Variants in FRZB observed in about 807,000 individuals in gnomAD.
FRZB encodes the protein secreted frizzled-related protein 3.
FRZB carries 34 observed loss-of-function variants against 32.5 expected under a neutral mutation model. The observed-to-expected ratio is 1.05, with a 90% CI of 0.80 to 1.39. The LOEUF is 1.39. Ranked by LOEUF, FRZB falls within the 40% of genes most tolerant of loss-of-function variation. The probability of loss-of-function intolerance (pLI) is 0.00; values close to 1 mark genes in which losing one functional copy is unlikely to be tolerated. For synonymous variants in FRZB, 170 were observed against 159.2 expected (o/e 1.07, Z -0.51); for missense variants, 423 against 424.8 (o/e 1.00, Z 0.04).
chr2:182,864,462 G>A (rs955392239), intron 1 of FRZB, among the ~76,000 whole-genome samples: 4 of 152,184 alleles, frequency 2.6e-5, no homozygotes, highest in Non-Finnish European at 5.9e-5. Context: ...TAGTGAGTAC[G>A]AAGCCTCAAG....
intron 1 of FRZB, among the ~76,000 whole-genome samples, chr2:182,862,773 CT>C (rs10558108): frequency 1.1e-3 from 161 of 148,900 alleles, no homozygotes; most frequent in Middle Eastern, 3.5e-3. Context: ...CTTTTCTTTT[CT>C]TTTTTTTTTT....
At chr2:182,841,150 TAGAA>T (rs1695581540) in intron 3 of FRZB, among the ~76,000 whole-genome samples, 1 of 152,046 alleles carries the variant, frequency 6.6e-6, no homozygotes, top group African/African-American at 2.4e-5. Flanking sequence ...CTTACAAACT[TAGAA>T]AGAGCATCCA....
chr2:182,842,196 C>G lies in FRZB; in HGVS notation c.592+282G>C, dbSNP rs540870089. Among the ~76,000 whole-genome samples, 103 of 152,256 alleles carry G rather than the reference C, an allele frequency of 6.8e-4. 1 individual carries two copies. The highest frequency in any genetic ancestry group is 2.5e-4 in the Non-Finnish European group (17 of 68,016). On this transcript the variant is annotated intron_variant, in intron 3 of 5. Coordinates refer to ENST00000295113, the MANE Select transcript of FRZB (RefSeq NM_001463.4). Reference sequence around the variant, plus strand: ...CTTCAGCCTCCAGGCAGGGAAGAGTCCCATGTATCTTGATACTTATCTCTG... The same window carrying G: ...CTTCAGCCTCCAGGCAGGGAAGAGTGCCATGTATCTTGATACTTATCTCTG...
At chr2:182,854,273 A>G (rs1695742214) in intron 2 of FRZB, among the ~76,000 whole-genome samples, 1 of 152,122 alleles carries the variant, frequency 6.6e-6, no homozygotes, top group Admixed American at 6.5e-5. Flanking sequence ...TTATACTTTA[A>G]TGGTTTATTT....
At chr2:182,837,395 A>G (rs927153566) in intron 5 of FRZB, among the ~76,000 whole-genome samples, 3 of 151,998 alleles carry the variant, frequency 2.0e-5, no homozygotes, top group Non-Finnish European at 4.4e-5. Flanking sequence ...CCTTCCCATC[A>G]TTTATTCTCC....
At position 182,833,480 on chromosome 2, in the gene FRZB, C is replaced by T. The variant is rs1033340326; in HGVS notation, c.*1369G>A. The T allele has an allele frequency of 2.0e-5, 3 of 152,092 alleles. No individual in the cohort carries two copies. Among genetic ancestry groups the T allele is most frequent in the East Asian group, 1.9e-4 (1 of 5,182 alleles). The allele number at this position is 152,092 out of a possible 1,614,324, so 9.4% of individuals were successfully genotyped here. A position where few individuals can be genotyped will look rare whatever the true frequency, so the allele number is the denominator to read the frequency against. On this transcript the variant is annotated 3_prime_UTR_variant, in exon 6 of 6. Transcript: ENST00000295113. ...TAAACCCATTCGAAACTGAAAATAT[C>T]GTAAGTTGAAATGCATTGGGTTACA... is the stretch of plus-strand genomic sequence containing the variant.
chr2:182,836,572 G>A (rs1240327591), intron 5 of FRZB, among the ~76,000 whole-genome samples: 1 of 152,038 alleles, frequency 6.6e-6, no homozygotes, highest in African/African-American at 2.4e-5. Context: ...CATGTGTCCT[G>A]TCAACAACAC....
intron 3 of FRZB, 125 bp from the exon 4 acceptor site, chr2:182,838,738 G>GA (rs1695555531): frequency 1.3e-6 from 1 of 753,346 alleles, no homozygotes; most frequent in Non-Finnish European, 2.1e-6. Context: ...GAATGGAACA[G>GA]AAAAGTCAGC....
At chr2:182,863,240 CCA>C (rs1466955602) in intron 1 of FRZB, among the ~76,000 whole-genome samples, 2 of 152,180 alleles carry the variant, frequency 1.3e-5, no homozygotes, top group African/African-American at 4.8e-5. Flanking sequence ...TCTTTACTCA[CCA>C]CACAATATTA....
At chr2:182,864,345 C>G (rs1488104794) in intron 1 of FRZB, among the ~76,000 whole-genome samples, 1 of 152,206 alleles carries the variant, frequency 6.6e-6, no homozygotes, top group African/African-American at 2.4e-5. Context: ...CACCTCATTC[C>G]TAGCCCTTGG....
At chr2:182,838,652 ACATAATAGCTACCC>A (rs779676780) in intron 3 of FRZB, 39 bp from the exon 4 acceptor site, 14 of 1,541,914 alleles carry the variant, frequency 9.1e-6, no homozygotes, top group Non-Finnish European at 9.9e-6. Flanking sequence ...ATAATATGAC[ACATAATAGCTACCC>A]CATTCAAAAA....
rs780140190 is a variant in FRZB, at chr2:182,858,831, A to G, written c.481T>C (p.Phe161Leu). Residue 161 changes from phenylalanine to leucine, a missense_variant and splice_region_variant, in exon 2 of 6, where the codon TTT becomes CTT. Phe to Leu is a conservative substitution (Grantham distance 22). Transcript: ENST00000295113. ...TTTCCGTTACTAGAATCCATAGGAA[A>G]ATCTGAAAGGAGGTGACAGAAAAAA... The part of the protein sequence containing the change: ...EAIVTADGAD[F>L]PMDSSNGNCR... 1 of 1,608,782 alleles carries G rather than the reference A, an allele frequency of 6.2e-7. No individual in the cohort carries two copies. The highest frequency in any genetic ancestry group is 1.7e-5 in the Admixed American group (1 of 59,992).
In FRZB at chr2:182,862,016, C is replaced by T. The variant is rs568832347; in HGVS notation, c.479-3183G>A. 2.0e-5 allele frequency among the ~76,000 whole-genome samples: 3 copies of T among 152,320 alleles called. No homozygotes were observed. In the South Asian group the frequency reaches 6.2e-4, roughly 32 times the overall value. The stretch of plus-strand genomic sequence containing the variant: ...AGCATGTTTTCCCTTTAATTCTAAT[C>T]TAAAATTTCCATTTCTCCTTTCCAT... On this transcript the variant is annotated intron_variant, in intron 1 of 5. Coordinates refer to ENST00000295113, the MANE Select transcript of FRZB (RefSeq NM_001463.4).
chr2:182,858,473 G>T (rs1695795537), intron 2 of FRZB, among the ~76,000 whole-genome samples: 1 of 152,092 alleles, frequency 6.6e-6, no homozygotes, highest in South Asian at 2.1e-4. Flanking sequence ...GGGAAAACTT[G>T]TAATTATAAA....
rs546140183 is a variant in FRZB at position 182,835,447 on chromosome 2, T to C, written c.862-482A>G. On this transcript the variant is annotated intron_variant, in intron 5 of 5. Coordinates refer to ENST00000295113, the MANE Select transcript of FRZB (RefSeq NM_001463.4). ...AAAAAATGGAAATTTTTTTGAGGGA[T>C]GGGGGGGTCTCAAAAATATTTTTCT... 4.6e-5 allele frequency among the ~76,000 whole-genome samples: 7 copies of C among 151,742 alleles called. No homozygotes were observed. The East Asian group carries it at 1.4e-3, about 29-fold the overall frequency.
At chr2:182,836,053 A>C (rs982916699) in intron 5 of FRZB, among the ~76,000 whole-genome samples, 1 of 152,112 alleles carries the variant, frequency 6.6e-6, no homozygotes, top group East Asian at 1.9e-4. Flanking sequence ...CTGTTACTGA[A>C]GGTAATTCTT....
rs577160346 is a variant in FRZB at position 182,841,635 on chromosome 2, C to T, written c.592+843G>A. Among the ~76,000 whole-genome samples the T allele has an allele frequency of 6.6e-5, 10 of 152,112 alleles. 1 individual carries two copies. The highest frequency in any genetic ancestry group is 1.9e-4 in the African/African-American group (8 of 41,500). On this transcript the variant is annotated intron_variant, in intron 3 of 5. Transcript: ENST00000295113. Reference sequence around the variant, plus strand: ...TAAATATCAGTCCCTTATGTGTCAACGGGAAAGCTCTGTTAATTGCCCTTT... The same window carrying T: ...TAAATATCAGTCCCTTATGTGTCAATGGGAAAGCTCTGTTAATTGCCCTTT...
chr2:182,863,952 C>G (rs1695861755), intron 1 of FRZB, among the ~76,000 whole-genome samples: 1 of 152,198 alleles, frequency 6.6e-6, no homozygotes, highest in South Asian at 2.1e-4. Flanking sequence ...CTGGTTCACA[C>G]TGAAGCTTAT....
chr2:182,837,317 C>G (rs1695538613), intron 5 of FRZB, among the ~76,000 whole-genome samples: 2 of 152,024 alleles, frequency 1.3e-5, no homozygotes, highest in African/African-American at 4.8e-5. Flanking sequence ...CTCTTCTATA[C>G]AGATGAATGT....
Sources: gnomAD v4.1 joint callset for allele counts (sites outside exome capture counted in the v4.1 genomes callset) on GRCh38, gnomAD v4.1.1 for gene constraint, MANE v1.5 for transcripts, NCBI Gene and HGNC (gene_info 2026-07-23, HGNC 2026-07-21) for gene names.